Variants in ACTN1 observed in about 807,000 individuals in gnomAD.
ACTN1 encodes alpha-actinin-1.
A neutral mutation model predicts 119.6 loss-of-function variants in ACTN1; 30 were observed. The ratio of observed to expected loss-of-function variants is 0.25; its 90% CI spans 0.19 to 0.34. The LOEUF (loss-of-function observed/expected upper bound fraction) is 0.34. ACTN1 is among the 10% of genes least tolerant of loss of function. The pLI is 1.00. For missense variants in ACTN1, 764 were observed against 1,223.4 expected (o/e 0.62, Z 5.60); for synonymous variants, 429 against 472.6 (o/e 0.91, Z 1.20).
At chr14:68,888,217 G>C in intron 11 of ACTN1, 4 of 411,600 alleles carry the variant, frequency 9.7e-6, no homozygotes, top group Non-Finnish European at 1.8e-5. Flanking sequence ...TCAAGAAATG[G>C]AATTCCCAGG....
chr14:68,902,441 G>A (rs1392589613), intron 8 of ACTN1, 36 bp downstream of exon 8: 1 of 1,552,334 alleles, frequency 6.4e-7, no homozygotes, highest in Non-Finnish European at 8.9e-7. Context: ...AGCAGGAGGT[G>A]TGCTGGGCAT....
At chr14:68,943,054 G>A (rs1394430420) in intron 1 of ACTN1, among the ~76,000 whole-genome samples, 1 of 152,134 alleles carries the variant, frequency 6.6e-6, no homozygotes, top group Non-Finnish European at 1.5e-5. Flanking sequence ...TTAAAAAGCA[G>A]CACAGAAACC....
At chr14:68,891,952 C>T (rs938879914) in intron 10 of ACTN1, 101 bp downstream of exon 10, 18 of 1,416,018 alleles carry the variant, frequency 1.3e-5, no homozygotes, top group Non-Finnish European at 1.6e-5. Context: ...AGCAAACACG[C>T]CCATCCGCAC....
chr14:68,939,123 G>T (rs2300877), intron 1 of ACTN1, among the ~76,000 whole-genome samples: 21,684 of 152,234 alleles, frequency 0.14, 2,609 homozygotes, highest in East Asian at 0.65. Context: ...CCCCCCAGAA[G>T]GCAGACTGCC....
Position 68,892,045 on chromosome 14 carries a change from G to C in ACTN1, c.1086+8C>G, listed in dbSNP as rs745553826. 6.2e-7 allele frequency: 1 copy of C among 1,612,706 alleles called. No homozygotes were observed. The highest frequency in any genetic ancestry group is 8.5e-7 in the Non-Finnish European group (1 of 1,179,778). ...GTCTGGGGGCCCAGGCTCACCCCCA[G>C]TGCTCACCGAGACCATCCTGCCCTC... On this transcript the variant is annotated splice_region_variant and intron_variant, in intron 10 of 21. Transcript: ENST00000394419.
intron 3 of ACTN1, among the ~76,000 whole-genome samples, chr14:68,918,521 C>CT (rs2034455167): frequency 0.028 from 1 of 36 alleles, no homozygotes; most frequent in Non-Finnish European, 0.056. Context: ...GGGAGGCGGA[C>CT]TTGCAGCGAG....
At chr14:68,904,107 G>A (rs2033517560) in intron 7 of ACTN1, among the ~76,000 whole-genome samples, 1 of 152,048 alleles carries the variant, frequency 6.6e-6, no homozygotes, top group Non-Finnish European at 1.5e-5. Flanking sequence ...ATCAGAACTG[G>A]ACACTTCCAC....
chr14:68,947,962 C>A (rs919749518), intron 1 of ACTN1, among the ~76,000 whole-genome samples: 2 of 152,212 alleles, frequency 1.3e-5, no homozygotes, highest in Non-Finnish European at 2.9e-5. Context: ...CGCACATAAT[C>A]CCTGCTTAGA....
chr14:68,882,939 G>A lies in ACTN1; in HGVS notation c.1752C>T (p.Val584=). The A allele has an allele frequency of 6.2e-7, 1 of 1,613,952 alleles. No individual in the cohort carries two copies. The highest frequency in any genetic ancestry group is 8.5e-7 in the Non-Finnish European group (1 of 1,179,946). The change falls in exon 15 of 22, where the codon GTC becomes GTT. Residue 584 remains valine, a synonymous_variant. Transcript: ENST00000394419. The surrounding 1 kb of genome is among the most constrained non-coding windows in gnomAD (Gnocchi z 4.5). ...EVSKIVQTYH[V]NMAGTNPYTT... is the part of the protein sequence containing the mutation. ...TGTAGGGGTTGGTGCCCGCCATATTGACGTGGTAGGTCTGGACAATCTTGG... is the reference window on the plus strand; with the variant it reads ...TGTAGGGGTTGGTGCCCGCCATATTAACGTGGTAGGTCTGGACAATCTTGG...
At chr14:68,919,204 A>G (rs1019629210) in intron 3 of ACTN1, among the ~76,000 whole-genome samples, 7 of 152,164 alleles carry the variant, frequency 4.6e-5, no homozygotes, top group Non-Finnish European at 8.8e-5. Flanking sequence ...TGGAAGATCT[A>G]GCAGCACTGG....
At position 68,880,961 on chromosome 14, in the gene ACTN1, T is replaced by G. The variant is rs1325548441; in HGVS notation, c.1982A>C (p.His661Pro). The change falls in exon 17 of 22, where the codon CAT becomes CCT. Residue 661 changes from histidine to proline, a missense_variant. By Grantham distance (77) the His-to-Pro change is moderately conservative (BLOSUM62 -2). Around this residue, in one of 4 missense-constraint regions of ACTN1, gnomAD observed 544 missense variants for 912.0 expected, o/e 0.60. Transcript: ENST00000394419. This position sits in a 1 kb window ranked among gnomAD's most constrained non-coding sequence, Gnocchi z 4.6. ...EEIGRISIEM[H>P]GTLEDQLSHL... ...GCTGAGCTGGTCCTCCAGGGTCCCA[T>G]GCATCTCAATGGAGATCCTCCCGAT... The G allele has an allele frequency of 5.6e-6, 9 of 1,614,032 alleles. No homozygotes were observed. The highest frequency in any genetic ancestry group is 5.9e-6 in the Non-Finnish European group (7 of 1,180,030).
intron 1 of ACTN1, chr14:68,977,604 G>C (rs2037102453): frequency 3.8e-6 from 1 of 261,066 alleles, no homozygotes; most frequent in East Asian, 1.4e-4. Flanking sequence ...GAGTAAAAGG[G>C]CTCCGTTTCA....
rs762945522 is a variant in ACTN1, at chr14:68,875,054, CAG to C, written c.2587-39_2587-38del. 10 of 1,606,990 alleles carry C rather than the reference CAG, an allele frequency of 6.2e-6. No homozygotes were observed. In the African/African-American group the frequency reaches 1.3e-4, roughly 21 times the overall value. On this transcript the variant is annotated intron_variant, in intron 21 of 21. Transcript: ENST00000394419. ...GAGTGGTCAGGAAGGCCGCAAAGTC[CAG>C]CAGCCGTAAAGCGGCGCGGCCCGAC...
At chr14:68,908,301 A>G (rs1396919919) in intron 6 of ACTN1, among the ~76,000 whole-genome samples, 1 of 152,140 alleles carries the variant, frequency 6.6e-6, no homozygotes, top group Non-Finnish European at 1.5e-5. Context: ...AGGGCCTGCC[A>G]CCACCATGAG....
Position 68,875,033 on chromosome 14 carries a change from G to A in ACTN1, c.2587-16C>T, listed in dbSNP as rs773768447. 5 of 1,611,502 alleles carry A rather than the reference G, an allele frequency of 3.1e-6. No individual in the cohort carries two copies. The highest frequency in any genetic ancestry group is 4.5e-5 in the East Asian group (2 of 44,890). ...TAATGTAGTTCTGCGAGGAGAGAGT[G>A]GTCAGGAAGGCCGCAAAGTCCAGCA... On this transcript the variant is annotated splice_polypyrimidine_tract_variant and intron_variant, in intron 21 of 21. Coordinates refer to ENST00000394419, the MANE Select transcript of ACTN1 (RefSeq NM_001130004.2).
chr14:68,961,703 C>T (rs1380228790), intron 1 of ACTN1, among the ~76,000 whole-genome samples: 2 of 152,146 alleles, frequency 1.3e-5, no homozygotes, highest in African/African-American at 2.4e-5. Context: ...GCAATACCCC[C>T]GACATGTTCT....
At position 68,921,088 on chromosome 14, in the gene ACTN1, T is replaced by C. The variant is rs2034618094; in HGVS notation, c.258A>G (p.Arg86=). 2 of 1,614,176 alleles carry C rather than the reference T, an allele frequency of 1.2e-6. No individual in the cohort carries two copies. Among genetic ancestry groups the C allele is most frequent in the East Asian group, 4.5e-5 (2 of 44,884 alleles). Residue 86 remains arginine, a synonymous_variant, in exon 3 of 22, where the codon AGA becomes AGG. Coordinates refer to ENST00000394419, the MANE Select transcript of ACTN1 (RefSeq NM_001130004.2). ...RLAKPERGKM[R]VHKISNVNKA... is the part of the protein sequence containing the mutation. Reference sequence around the variant, plus strand: ...TGTTGACGTTGGAGATCTTGTGCACTCTCATCTTGCCTCGCTCTGGCTTGG... The same window carrying C: ...TGTTGACGTTGGAGATCTTGTGCACCCTCATCTTGCCTCGCTCTGGCTTGG...
intron 3 of ACTN1, among the ~76,000 whole-genome samples, chr14:68,918,051 AGAGT>A (rs2034409649): frequency 6.6e-6 from 1 of 152,258 alleles, no homozygotes; most frequent in Non-Finnish European, 1.5e-5. Context: ...TCTGGGTAAC[AGAGT>A]GAGACCCTGT....
At chr14:68,881,324 A>G (rs571862758) in intron 16 of ACTN1, among the ~76,000 whole-genome samples, 2 of 152,204 alleles carry the variant, frequency 1.3e-5, no homozygotes, top group South Asian at 2.1e-4. Flanking sequence ...CCCTTTCCCA[A>G]GTCTTGTCCA....
Sources: gnomAD v4.1 joint callset for allele counts (sites outside exome capture counted in the v4.1 genomes callset) on GRCh38, gnomAD v4.1.1 for gene constraint, gnomAD v4.1.1 regional missense constraint, Gnocchi (gnomAD v3.1) non-coding constraint, MANE v1.5 for transcripts, NCBI Gene and HGNC (gene_info 2026-07-23, HGNC 2026-07-21) for gene names.